The following HEATR4 variants were observed in gnomAD, a reference collection of about 807,000 sequenced individuals.
HEATR4 encodes the protein HEAT repeat-containing protein 4.
Under a neutral mutation model 108.8 loss-of-function variants are expected in HEATR4, and 95 were observed. The observed-to-expected ratio is 0.87, with a 90% CI of 0.74 to 1.04. HEATR4 has a LOEUF of 1.04. HEATR4 is among the 50% of genes least tolerant of loss of function. HEATR4 has a pLI of 0.00. For synonymous variants in HEATR4, 443 were observed against 459.4 expected (o/e 0.96, Z 0.46); for missense variants, 1,152 against 1,253.8 (o/e 0.92, Z 1.23).
the HEATR4 span, among the ~76,000 whole-genome samples, chr14:73,592,712 G>T: frequency 6.6e-6 from 1 of 152,124 alleles, no homozygotes; most frequent in African/African-American, 2.4e-5. Context: ...AATTAGTCCA[G>T]CCTGGTGGCA....
chr14:73,492,631 G>A lies in HEATR4; in HGVS notation c.2844+435C>T, dbSNP rs535810576. 29 of 1,613,848 alleles carry A rather than the reference G, an allele frequency of 1.8e-5. No individual in the cohort carries two copies. Among genetic ancestry groups the A allele is most frequent in the Non-Finnish European group, 2.3e-5 (27 of 1,179,896 alleles). On this transcript the variant is annotated intron_variant, in intron 17 of 17. Transcript: ENST00000553558. This position sits in a 1 kb window ranked among gnomAD's most constrained non-coding sequence, Gnocchi z 4.9. Reference sequence around the variant, plus strand: ...GGGAGGCTGGAGAACCTGTAAACGTGGGGGCCCAGTTGACAACAGAAACAG... The same window carrying A: ...GGGAGGCTGGAGAACCTGTAAACGTAGGGGCCCAGTTGACAACAGAAACAG...
chr14:73,490,248 C>G (rs894210010), intron 17 of HEATR4, among the ~76,000 whole-genome samples: 5 of 152,306 alleles, frequency 3.3e-5, no homozygotes, highest in African/African-American at 1.2e-4. Flanking sequence ...GTCTCAGCCT[C>G]CCGAGTAGCT....
Position 73,556,625 on chromosome 14 carries a change from A to C in HEATR4, c.-152+2126T>G, listed in dbSNP as rs1420716710. ...GGAGTCACGGGACAGGTGTAAGGCC[A>C]AATTGTGCACTTCCCAGTCATGTTA... On this transcript the variant is annotated intron_variant, in intron 1 of 17. Coordinates refer to ENST00000553558, the MANE Select transcript of HEATR4 (RefSeq NM_001220484.1). Among the ~76,000 whole-genome samples, 3 of 113,650 alleles carry C rather than the reference A, an allele frequency of 2.6e-5. 1 individual carries two copies. The highest frequency in any genetic ancestry group is 5.8e-5 in the Non-Finnish European group (3 of 51,976). The allele number at this position is 113,650 out of a possible 152,430, so 74.6% of individuals were successfully genotyped here.
At chr14:73,583,086 A>G in the HEATR4 span, among the ~76,000 whole-genome samples, 3 of 151,920 alleles carry the variant, frequency 2.0e-5, no homozygotes, top group Admixed American at 6.6e-5. Context: ...GCTCACACCT[A>G]TAATCCCAGC....
the HEATR4 span, among the ~76,000 whole-genome samples, chr14:73,599,591 C>T: frequency 1.2e-4 from 18 of 152,170 alleles, no homozygotes; most frequent in African/African-American, 3.9e-4. Context: ...CCAGCACCAA[C>T]CTCCCTGCCA....
rs1258047467 is a variant in HEATR4, at chr14:73,522,399, A to T, written c.754T>A (p.Ser252Thr). ...TTCAGGAGCTCCAGGTCACTGGCAG[A>T]GGTAAGCTCATCCCGAATGTGACTC... Reference protein sequence around the residue: ...DWSHIRDELTSASDLELLKQL... With the variant: ...DWSHIRDELTTASDLELLKQL... Residue 252 changes from serine to threonine, a missense_variant, in exon 3 of 18, where the codon TCT becomes ACT. Transcript: ENST00000553558. The T allele has an allele frequency of 6.2e-7, 1 of 1,614,234 alleles. No homozygotes were observed. The highest frequency in any genetic ancestry group is 1.1e-5 in the South Asian group (1 of 91,088).
At chr14:73,495,105 A>C in intron 16 of HEATR4, 123 bp downstream of exon 16, 3 of 728,386 alleles carry the variant, frequency 4.1e-6, no homozygotes, top group East Asian at 2.7e-5. Context: ...CCAAGAGGGA[A>C]GAGAGTACCC....
the HEATR4 span, among the ~76,000 whole-genome samples, chr14:73,578,298 C>T: frequency 6.8e-6 from 1 of 146,484 alleles, no homozygotes; most frequent in African/African-American, 2.5e-5. Context: ...AACATGATCT[C>T]GGCTCACTAC....
the HEATR4 span, among the ~76,000 whole-genome samples, chr14:73,588,102 A>G: frequency 1.3e-5 from 2 of 151,880 alleles, no homozygotes; most frequent in African/African-American, 4.8e-5. Flanking sequence ...CCTGGGTTCA[A>G]GCGATTCTCC....
chr14:73,507,417 T>G (rs1011745187), intron 9 of HEATR4, among the ~76,000 whole-genome samples: 2 of 152,128 alleles, frequency 1.3e-5, no homozygotes, highest in Non-Finnish European at 2.9e-5. Flanking sequence ...CCGGCTGCAT[T>G]TTATCTAATT....
chr14:73,619,472 T>C, the HEATR4 span: 1 of 1,614,224 alleles, frequency 6.2e-7, no homozygotes, highest in Non-Finnish European at 8.5e-7. Flanking sequence ...AGCAATCCAC[T>C]GGAGGAACAC....
intron 1 of HEATR4, among the ~76,000 whole-genome samples, chr14:73,531,611 A>C (rs1385829786): frequency 9.2e-6 from 1 of 108,128 alleles, no homozygotes; most frequent in South Asian, 3.1e-4. Flanking sequence ...GTTTCACCAT[A>C]TTGGCCAGGC....
At position 73,494,309 on chromosome 14, in the gene HEATR4, A is replaced by G. The variant is rs1020690410; in HGVS notation, c.2785+919T>C. ...GGCTGAGTGACCTGAGGCTGATGCT[A>G]CGCTCAGGCACACAGATTTTGTAAG... is the stretch of plus-strand genomic sequence containing the variant. On this transcript the variant is annotated intron_variant, in intron 16 of 17. Transcript: ENST00000553558. 4.6e-5 allele frequency among the ~76,000 whole-genome samples: 7 copies of G among 152,182 alleles called. 1 individual carries two copies. The South Asian group carries it at 1.4e-3, about 32-fold the overall frequency.
chr14:73,597,591 C>CT, the HEATR4 span, among the ~76,000 whole-genome samples: 1,937 of 98,174 alleles, frequency 0.02, 69 homozygotes, highest in African/African-American at 0.04. Context: ...TTTTTCTTTT[C>CT]TTTTTTTTTT....
upstream of HEATR4, among the ~76,000 whole-genome samples, chr14:73,561,256 C>T (rs1236425122): frequency 1.3e-5 from 2 of 151,866 alleles, no homozygotes; most frequent in African/African-American, 2.4e-5. Context: ...ATCCCAGCTA[C>T]TCAGGAGACC....
intron 5 of HEATR4, 129 bp downstream of exon 5, chr14:73,518,894 G>T: frequency 2.5e-6 from 2 of 805,580 alleles, no homozygotes; most frequent in Admixed American, 2.5e-5. Context: ...GTAGAAAGGG[G>T]ATTGCCTAGA....
chr14:73,565,713 C>T, the HEATR4 span, among the ~76,000 whole-genome samples: 5 of 151,810 alleles, frequency 3.3e-5, no homozygotes, highest in African/African-American at 1.2e-4. Flanking sequence ...TCGTTTTTCC[C>T]GGTGAGTTCA....
At chr14:73,569,982 C>A in the HEATR4 span, 2 of 1,450,688 alleles carry the variant, frequency 1.4e-6, no homozygotes, top group Non-Finnish European at 1.8e-6. Flanking sequence ...CCCCCCGCCG[C>A]GCCCCCGGGC....
chr14:73,623,704 A>G, the HEATR4 span, among the ~76,000 whole-genome samples: 24 of 151,954 alleles, frequency 1.6e-4, no homozygotes, highest in African/African-American at 5.1e-4. Flanking sequence ...TTGCATCCCA[A>G]TGTTGGAGGT....
Sources: gnomAD v4.1 joint callset for allele counts (sites outside exome capture counted in the v4.1 genomes callset) on GRCh38, gnomAD v4.1.1 for gene constraint, Gnocchi (gnomAD v3.1) non-coding constraint, MANE v1.5 for transcripts, NCBI Gene and HGNC (gene_info 2026-07-23, HGNC 2026-07-21) for gene names.